Variants in MAN1C1 observed in about 807,000 individuals in gnomAD.
MAN1C1 encodes the protein mannosidase alpha class 1C member 1.
In MAN1C1, 49 loss-of-function variants were observed where a neutral mutation model predicts 71.5. The ratio of observed to expected loss-of-function variants is 0.69; its 90% confidence interval spans 0.54 to 0.87. The LOEUF is 0.87. Among genes scored for constraint, MAN1C1 ranks in the 40% least tolerant of loss-of-function variants. The pLI is 0.00. For missense variants in MAN1C1, 743 were observed against 835.0 expected, an observed-to-expected ratio of 0.89 and a Z score of 1.36; for synonymous variants, 352 against 343.7, an observed-to-expected ratio of 1.02 and a Z score of -0.27.
intron 1 of MAN1C1, among the ~76,000 whole-genome samples, chr1:25,653,469 T>C (rs3014716): frequency 0.43 from 65,358 of 152,082 alleles, 18,869 homozygotes; most frequent in African/African-American, 0.8. Context: ...TTGTGTTGTG[T>C]TGTGACTACT....
intron 11 of MAN1C1, 44 bp from the exon 12 acceptor site, chr1:25,783,619 A>G (rs779241793): frequency 4.6e-5 from 74 of 1,599,920 alleles, no homozygotes; most frequent in Middle Eastern, 1.6e-4. Flanking sequence ...TCCCCAGGCC[A>G]CTGACAGACT....
At chr1:25,693,969 A>G (rs1284183659) in intron 2 of MAN1C1, among the ~76,000 whole-genome samples, 1 of 152,256 alleles carries the variant, frequency 6.6e-6, no homozygotes, top group Admixed American at 6.5e-5. Context: ...CATAAAATGT[A>G]GGCTGCTGTG....
chr1:25,617,873 C>A lies in MAN1C1; in HGVS notation c.76C>A (p.Leu26Ile). The A allele has an allele frequency of 6.2e-7, 1 of 1,608,810 alleles. No individual in the cohort carries two copies. The highest frequency in any genetic ancestry group is 8.5e-7 in the Non-Finnish European group (1 of 1,178,332). ...GCGGCTGCCGCAGAAGTTCCTCTTC[C>A]TCCTCTTCCTCTCGGGCCTGGTCAC... ...GLRLPQKFLF[L>I]LFLSGLVTLC... The change falls in exon 1 of 12, where the codon CTC becomes ATC. Residue 26 changes from leucine (L) to isoleucine (I), a missense_variant. Physicochemically the swap from Leu to Ile is conservative, Grantham distance 5 (BLOSUM62 2). Transcript: ENST00000374332. This position sits in a 1 kb window ranked among gnomAD's most constrained non-coding sequence, Gnocchi z 5.1.
chr1:25,746,635 C>A lies in MAN1C1; in HGVS notation c.638-33C>A. 6.6e-7 allele frequency: 1 copy of A among 1,522,870 alleles called. No individual in the cohort carries two copies. The highest frequency in any genetic ancestry group is 2.3e-5 in the East Asian group (1 of 44,034). The allele number at this position is 1,522,870 out of a possible 1,614,324, so 94.3% of individuals were successfully genotyped here. On this transcript the variant is annotated intron_variant, in intron 2 of 11. Coordinates refer to ENST00000374332, the MANE Select transcript of MAN1C1 (RefSeq NM_020379.4). The surrounding 1 kb of genome is among the most constrained non-coding windows in gnomAD (Gnocchi z 4.0). The stretch of plus-strand genomic sequence containing the variant: ...AGTTGGGGAAAAGAGAAAGATGGCC[C>A]TGGGTCACACCCTCAATGCTCTGTG...
At chr1:25,652,681 C>T (rs2045710037) in intron 1 of MAN1C1, among the ~76,000 whole-genome samples, 1 of 152,214 alleles carries the variant, frequency 6.6e-6, no homozygotes, top group Non-Finnish European at 1.5e-5. Context: ...CAGTGGTGGG[C>T]CCGGAGCAAA....
At chr1:25,754,677 C>T (rs891601823) in intron 5 of MAN1C1, among the ~76,000 whole-genome samples, 5 of 150,034 alleles carry the variant, frequency 3.3e-5, no homozygotes, top group African/African-American at 1.2e-4. Flanking sequence ...TGTCATGAAG[C>T]CCAGACACAC....
intron 2 of MAN1C1, among the ~76,000 whole-genome samples, chr1:25,702,440 TCTC>T (rs2046458856): frequency 1.3e-5 from 2 of 152,066 alleles, no homozygotes; most frequent in Admixed American, 1.3e-4. Flanking sequence ...AGCTCTTCCT[TCTC>T]CTCCAAGGAG....
At chr1:25,627,129 A>T (rs1324197201) in intron 1 of MAN1C1, among the ~76,000 whole-genome samples, 2 of 152,188 alleles carry the variant, frequency 1.3e-5, no homozygotes, top group Non-Finnish European at 2.9e-5. Flanking sequence ...TTGTTGAAAA[A>T]AACTTTCCTT....
chr1:25,703,472 G>A (rs1365531499), intron 2 of MAN1C1, among the ~76,000 whole-genome samples: 5 of 152,074 alleles, frequency 3.3e-5, no homozygotes, highest in Admixed American at 6.5e-5. Flanking sequence ...ACCTGAGGTC[G>A]GGAGTTCGAG....
Position 25,665,855 on chromosome 1 carries a change from C to CTTTTTTTTTTTTTTTT in MAN1C1, c.541-20578_541-20563dup, listed in dbSNP as rs757054975. ...ATTTTCAGGTAATACTTGGCATTGG[C>CTTTTTTTTTTTTTTTT]TTTTTTTTTTTTTTTTTTTTTTGCA... On this transcript the variant is annotated intron_variant, in intron 1 of 11. Transcript: ENST00000374332. Among the ~76,000 whole-genome samples the CTTTTTTTTTTTTTTTT allele has an allele frequency of 3.1e-5, 3 of 96,914 alleles. 1 individual carries two copies. Among genetic ancestry groups the CTTTTTTTTTTTTTTTT allele is most frequent in the African/African-American group, 1.3e-4 (3 of 23,812 alleles). 63.6% of individuals were successfully genotyped at this position (96,914 alleles called of 152,430 possible).
In MAN1C1 at chr1:25,746,705, T is replaced by C. The variant is rs2124337428; in HGVS notation, c.675T>C (p.Asp225=). 6.2e-7 allele frequency: 1 copy of C among 1,603,248 alleles called. No homozygotes were observed. The highest frequency in any genetic ancestry group is 1.1e-5 in the South Asian group (1 of 90,960). ...LSGATVIDSL[D]TLYLMELKEE... ...GGGCAACAGTCATTGACTCCCTCGA[T>C]ACCCTCTACCTCATGGAGCTGAAGG... The change falls in exon 3 of 12, where the codon GAT becomes GAC. Residue 225 remains aspartate, a synonymous_variant. Coordinates refer to ENST00000374332, the MANE Select transcript of MAN1C1 (RefSeq NM_020379.4). The surrounding 1 kb of genome is among the most constrained non-coding windows in gnomAD (Gnocchi z 4.0).
rs368592204 is a variant in MAN1C1, at chr1:25,618,291, A to G, written c.494A>G (p.Gln165Arg). 6 of 1,603,564 alleles carry G rather than the reference A, an allele frequency of 3.7e-6. No homozygotes were observed. Among genetic ancestry groups the G allele is most frequent in the Non-Finnish European group, 5.1e-6 (6 of 1,176,840 alleles). ...CTGGGAACGAGGGCCGATGAGAGTCAGGAGCCCCAGAGCCAAGTGCGAGCC... is the reference window on the plus strand; with the variant it reads ...CTGGGAACGAGGGCCGATGAGAGTCGGGAGCCCCAGAGCCAAGTGCGAGCC... The part of the protein sequence containing the change: ...PVLGTRADES[Q>R]EPQSQVRAQR... Residue 165 changes from glutamine (Q) to arginine (R), a missense_variant, in exon 1 of 12, where the codon CAG becomes CGG. Gln to Arg is a conservative substitution (Grantham distance 43). Coordinates refer to ENST00000374332, the MANE Select transcript of MAN1C1 (RefSeq NM_020379.4).
intron 2 of MAN1C1, among the ~76,000 whole-genome samples, chr1:25,729,317 G>T (rs530986871): frequency 1.3e-5 from 2 of 152,112 alleles, no homozygotes; most frequent in Non-Finnish European, 2.9e-5. Context: ...CATCCTTCCC[G>T]ATCCATCACA....
intron 1 of MAN1C1, among the ~76,000 whole-genome samples, chr1:25,676,166 T>C (rs867847467): frequency 6.6e-6 from 1 of 152,202 alleles, no homozygotes; most frequent in African/African-American, 2.4e-5. Flanking sequence ...CAGGATGCGA[T>C]TCCTGAGACT....
rs769609026 is a variant in MAN1C1 at position 25,686,535 on chromosome 1, C to T, written c.636C>T (p.Phe212=). 27 of 1,613,656 alleles carry T rather than the reference C, an allele frequency of 1.7e-5. No homozygotes were observed. Among genetic ancestry groups the T allele is most frequent in the Admixed American group, 6.7e-5 (4 of 60,004 alleles). The change falls in exon 2 of 12, where the codon TTC becomes TTT. Residue 212 remains phenylalanine, a splice_region_variant and synonymous_variant. Transcript: ENST00000374332. ...AAGATGGCTACGAGGGTAACATGTT[C>T]GGTGAGTCGATTCAAACCACTTTGA... The part of the protein sequence containing the change: ...LTKDGYEGNM[F]GGLSGATVID...
intron 2 of MAN1C1, among the ~76,000 whole-genome samples, chr1:25,692,505 C>A (rs1224291360): frequency 1.3e-5 from 2 of 152,208 alleles, no homozygotes; most frequent in Non-Finnish European, 2.9e-5. Flanking sequence ...GGAGCCACTG[C>A]GTCCAGCCCA....
rs1394106076 is a variant in MAN1C1, at chr1:25,618,035, C to T, written c.238C>T (p.Pro80Ser). ...CCATGCCCCGGCCCGCGAGCAGGAG[C>T]CGCCTCCCAACCCGGCCCCCGCCGC... is the stretch of plus-strand genomic sequence containing the variant. ...AGHAPAREQE[P>S]PPNPAPAAPA... Residue 80 changes from proline (P) to serine (S), a missense_variant, in exon 1 of 12, where the codon CCG (proline) becomes TCG (serine). Transcript: ENST00000374332. 6.3e-7 allele frequency: 1 copy of T among 1,590,610 alleles called. No individual in the cohort carries two copies. The highest frequency in any genetic ancestry group is 1.1e-5 in the South Asian group (1 of 89,552).
chr1:25,739,989 C>T (rs1421563735), intron 2 of MAN1C1, among the ~76,000 whole-genome samples: 1 of 152,178 alleles, frequency 6.6e-6, no homozygotes, highest in Non-Finnish European at 1.5e-5. Flanking sequence ...TCTTTCATTC[C>T]TAAATACTTA....
At chr1:25,705,464 T>C (rs1301357362) in intron 2 of MAN1C1, among the ~76,000 whole-genome samples, 1 of 152,272 alleles carries the variant, frequency 6.6e-6, no homozygotes, top group Non-Finnish European at 1.5e-5. Flanking sequence ...TAGTCTATTA[T>C]ATTGCATTTA....
Sources: allele counts gnomAD v4.1 joint callset (sites outside exome capture counted in the v4.1 genomes callset), GRCh38; gene constraint gnomAD v4.1.1; non-coding constraint Gnocchi (gnomAD v3.1); transcripts MANE v1.5; gene names NCBI Gene and HGNC (gene_info 2026-07-23, HGNC 2026-07-21).